Variants in AP4E1 observed in about 807,000 individuals in gnomAD.
AP4E1 encodes the protein adaptor related protein complex 4 subunit epsilon 1, also known as AP-4 complex subunit epsilon-1.
AP4E1 carries 56 observed loss-of-function variants against 128.2 expected under a neutral mutation model. That is an observed-to-expected ratio of 0.44 (90% CI 0.35 to 0.55). The LOEUF (loss-of-function observed/expected upper bound fraction) is 0.55. Among genes scored for constraint, AP4E1 ranks in the 20% least tolerant of loss-of-function variants. The pLI, the probability that AP4E1 is intolerant of heterozygous loss-of-function variation, is 0.00. For missense variants in AP4E1, 1,324 were observed against 1,307.7 expected (o/e 1.01, Z -0.19); for synonymous variants, 484 against 473.1 (o/e 1.02, Z -0.30).
intron 10 of AP4E1, among the ~76,000 whole-genome samples, chr15:50,946,201 T>C (rs756048451): frequency 2.0e-5 from 3 of 152,230 alleles, no homozygotes; most frequent in Non-Finnish European, 2.9e-5. Context: ...TGCATTCTTT[T>C]ATTGAAGAAT....
intron 1 of AP4E1, among the ~76,000 whole-genome samples, chr15:50,910,108 T>G (rs1056702826): frequency 6.6e-6 from 1 of 152,236 alleles, no homozygotes; most frequent in Admixed American, 6.5e-5. Context: ...TGCCTCAGCC[T>G]CCCAAGTAGC....
In AP4E1 at chr15:50,950,157, A is replaced by G. The variant is rs1310536170; in HGVS notation, c.1536A>G (p.Gln512=). 3.1e-6 allele frequency: 5 copies of G among 1,609,326 alleles called. No individual in the cohort carries two copies. The East Asian group carries it at 9.0e-5, about 29-fold the overall frequency. Residue 512 remains glutamine (Q), a synonymous_variant, in exon 13 of 21, where the codon CAA becomes CAG. Coordinates refer to ENST00000261842, the MANE Select transcript of AP4E1 (RefSeq NM_007347.5). ...TGTTCTATCCACAGAGATTTCTTCA[A>G]GTTATGAGTTGGGTGAGCAAAGTAC... The part of the protein sequence containing the change: ...ENVFYPQRFL[Q]VMSWVLGEYS...
rs201037776 is a variant in AP4E1 at position 50,949,947 on chromosome 15, A to G, written c.1429+9A>G. 43 of 1,603,460 alleles carry G rather than the reference A, an allele frequency of 2.7e-5. No individual in the cohort carries two copies. The highest frequency in any genetic ancestry group is 2.1e-4 in the African/African-American group (16 of 74,852). Reference sequence around the variant, plus strand: ...GAGACTACTAGCGGAAGGTTGGTACACTATTATATTCTGTAAAGTAAACAT... The same window carrying G: ...GAGACTACTAGCGGAAGGTTGGTACGCTATTATATTCTGTAAAGTAAACAT... On this transcript the variant is annotated intron_variant, in intron 12 of 20. Coordinates refer to ENST00000261842, the MANE Select transcript of AP4E1 (RefSeq NM_007347.5).
chr15:50,924,032 A>G (rs373919696), intron 4 of AP4E1, 28 bp downstream of exon 4: 1 of 1,553,934 alleles, frequency 6.4e-7, no homozygotes, highest in African/African-American at 1.4e-5. Context: ...GGTTAATATG[A>G]AGTCATAATT....
At chr15:50,966,602 TCTCGGCTC>T (rs1414958600) in intron 14 of AP4E1, among the ~76,000 whole-genome samples, 4 of 147,772 alleles carry the variant, frequency 2.7e-5, no homozygotes, top group Non-Finnish European at 5.9e-5. Context: ...AATGGTACGA[TCTCGGCTC>T]ACTGCAACTT....
chr15:51,002,373 A>G (rs1027601429), intron 20 of AP4E1, 129 bp from the exon 21 acceptor site: 6 of 919,386 alleles, frequency 6.5e-6, no homozygotes, highest in Non-Finnish European at 1.0e-5. Flanking sequence ...TTCAATTTGC[A>G]GTCTCCTTAG....
intron 16 of AP4E1, among the ~76,000 whole-genome samples, chr15:50,989,218 A>C (rs1166189931): frequency 6.6e-6 from 1 of 152,232 alleles, no homozygotes; most frequent in African/African-American, 2.4e-5. Context: ...CATCTAATAG[A>C]GTTAAAAATG....
At chr15:50,925,358 G>A (rs777717701) in intron 5 of AP4E1, 139 bp downstream of exon 5, 1 of 910,006 alleles carries the variant, frequency 1.1e-6, no homozygotes, top group Admixed American at 2.4e-5. Context: ...ATCTTCAATA[G>A]GATCATCTTT....
At chr15:50,996,552 A>G (rs1241638998) in intron 17 of AP4E1, among the ~76,000 whole-genome samples, 1 of 152,162 alleles carries the variant, frequency 6.6e-6, no homozygotes, top group Non-Finnish European at 1.5e-5. Context: ...AATTCTGGTC[A>G]ACTAGAATCA....
rs114967508 is a variant in AP4E1, at chr15:50,963,779, G to A, written c.1852-4484G>A. Among the ~76,000 whole-genome samples, 347 of 152,324 alleles carry A rather than the reference G, an allele frequency of 2.3e-3. 2 individuals carry two copies. The highest frequency in any genetic ancestry group is 7.8e-3 in the African/African-American group (324 of 41,568). ...GGATATCCTAAGTACTCTGATTTAC[G>A]TATTACACATTCTATGCATGTATCA... On this transcript the variant is annotated intron_variant, in intron 14 of 20. Coordinates refer to ENST00000261842, the MANE Select transcript of AP4E1 (RefSeq NM_007347.5).
chr15:50,995,825 A>G (rs186210611), intron 17 of AP4E1, among the ~76,000 whole-genome samples: 222 of 152,034 alleles, frequency 1.5e-3, no homozygotes, highest in African/African-American at 5.1e-3. Flanking sequence ...ACAATGCAGA[A>G]GAAAAGATCA....
rs745307290 is a variant in AP4E1, at chr15:50,948,102, G to A, written c.1259G>A (p.Ser420Asn). 1.9e-6 allele frequency: 3 copies of A among 1,613,864 alleles called. No individual in the cohort carries two copies. Among genetic ancestry groups the A allele is most frequent in the South Asian group, 2.2e-5 (2 of 91,066 alleles). Residue 420 changes from serine (S) to asparagine (N), a missense_variant, in exon 11 of 21, where the codon AGC (serine) becomes AAC (asparagine). Physicochemically the swap from Ser to Asn is conservative, Grantham distance 46. Transcript: ENST00000261842. Reference protein sequence around the residue: ...VQKMLEYLHQSKEEYVIVNLV... With the variant: ...VQKMLEYLHQNKEEYVIVNLV... ...AAAATGCTTGAATATTTACATCAGA[G>A]CAAAGAAGAGTATGTCATCGTCAAT...
intron 14 of AP4E1, among the ~76,000 whole-genome samples, chr15:50,963,092 T>C (rs1168349206): frequency 1.3e-5 from 2 of 151,834 alleles, no homozygotes; most frequent in African/African-American, 4.8e-5. Context: ...AGACAAAAAA[T>C]AACAAATGTT....
intron 16 of AP4E1, 68 bp from the exon 17 acceptor site, chr15:50,993,302 G>C (rs2064827069): frequency 2.6e-6 from 4 of 1,550,262 alleles, no homozygotes; most frequent in Non-Finnish European, 2.7e-6. Context: ...TGTTTTGAAA[G>C]AATGCCTCAA....
At position 50,987,783 on chromosome 15, in the gene AP4E1, G is replaced by C. The variant is rs920394316; in HGVS notation, c.2090+3638G>C. Among the ~76,000 whole-genome samples, 4 of 152,250 alleles carry C rather than the reference G, an allele frequency of 2.6e-5. No homozygotes were observed. The East Asian group carries it at 7.7e-4, about 29-fold the overall frequency. ...TTGTGACAATGTGTTTTAATATAAT[G>C]GTTTAGAAAGGTTTTTAAAAGCTAA... On this transcript the variant is annotated intron_variant, in intron 16 of 20. Transcript: ENST00000261842.
chr15:50,908,015 G>A (rs1178868402), upstream of AP4E1, among the ~76,000 whole-genome samples: 1 of 152,194 alleles, frequency 6.6e-6, no homozygotes, highest in Admixed American at 6.5e-5. Flanking sequence ...CCAGGGGAGT[G>A]GGCTCTAGAA....
intron 15 of AP4E1, among the ~76,000 whole-genome samples, chr15:50,977,097 T>C (rs2064562057): frequency 6.6e-6 from 1 of 152,302 alleles, no homozygotes; most frequent in South Asian, 2.1e-4. Flanking sequence ...GAATTATAAT[T>C]GCCTAACCTG....
chr15:50,983,543 T>C (rs1336876758), intron 15 of AP4E1, among the ~76,000 whole-genome samples: 1 of 152,174 alleles, frequency 6.6e-6, no homozygotes, highest in Non-Finnish European at 1.5e-5. Context: ...AATTAGGTTA[T>C]ACAGATTAAA....
chr15:50,927,682 T>C (rs570733407), intron 5 of AP4E1, among the ~76,000 whole-genome samples: 1 of 152,098 alleles, frequency 6.6e-6, no homozygotes, highest in Admixed American at 6.5e-5. Context: ...TTTTTTTTTT[T>C]GTGAAGAGTT....
Sources: gnomAD v4.1 joint callset for allele counts (sites outside exome capture counted in the v4.1 genomes callset) on GRCh38, gnomAD v4.1.1 for gene constraint, MANE v1.5 for transcripts, NCBI Gene and HGNC (gene_info 2026-07-23, HGNC 2026-07-21) for gene names.